The following CLEC16A variants were observed in gnomAD, a reference collection of about 807,000 sequenced individuals.
CLEC16A encodes the protein C-type lectin domain containing 16A.
In CLEC16A, 51 loss-of-function variants were observed where a neutral mutation model predicts 109.5. That is an observed-to-expected ratio of 0.47 (90% CI 0.37 to 0.59). The LOEUF is 0.59. Among genes scored for constraint, CLEC16A ranks in the 20% least tolerant of loss-of-function variants. The pLI is 0.00. For missense variants in CLEC16A, 1,339 were observed against 1,394.0 expected, an observed-to-expected ratio of 0.96 and a Z score of 0.63; for synonymous variants, 673 against 564.2, an observed-to-expected ratio of 1.19 and a Z score of -2.73.
chr16:11,126,650 G>A (rs540464946), intron 22 of CLEC16A: 4 of 216,132 alleles, frequency 1.9e-5, no homozygotes, highest in Admixed American at 1.6e-4. Context: ...CTGCTCCTCC[G>A]CTCCTCCCAA....
chr16:11,035,278 CAT>C (rs980792442), intron 13 of CLEC16A, among the ~76,000 whole-genome samples: 8 of 152,160 alleles, frequency 5.3e-5, no homozygotes, highest in African/African-American at 1.9e-4. Context: ...GCACAGCTGT[CAT>C]ATGGTGGCTT....
chr16:10,975,113 C>T (rs2042973601), intron 7 of CLEC16A, among the ~76,000 whole-genome samples: 2 of 152,126 alleles, frequency 1.3e-5, no homozygotes, highest in African/African-American at 4.8e-5. Context: ...GAGGCTGAGG[C>T]GGGCAGATCA....
intron 13 of CLEC16A, 65 bp downstream of exon 13, chr16:11,024,986 C>T: frequency 8.7e-7 from 1 of 1,146,650 alleles, no homozygotes; most frequent in Non-Finnish European, 1.3e-6. Flanking sequence ...TCCTTCCCCT[C>T]TGCTGCATGG....
chr16:10,952,204 T>C (rs1297533267), intron 1 of CLEC16A, among the ~76,000 whole-genome samples: 2 of 152,216 alleles, frequency 1.3e-5, no homozygotes, highest in East Asian at 1.9e-4. Flanking sequence ...GAAGGTTTTA[T>C]TAAAATGGGC....
chr16:11,145,283 C>T (rs1308883684), intron 22 of CLEC16A, among the ~76,000 whole-genome samples: 2 of 152,156 alleles, frequency 1.3e-5, no homozygotes, highest in African/African-American at 4.8e-5. Flanking sequence ...GGCCTTAGGG[C>T]GGGCTACCCG....
At chr16:11,005,783 T>C (rs1206738086) in intron 11 of CLEC16A, among the ~76,000 whole-genome samples, 2 of 152,138 alleles carry the variant, frequency 1.3e-5, no homozygotes, top group Non-Finnish European at 2.9e-5. Context: ...ATTTCTTCAT[T>C]CACATTGCAT....
At chr16:11,156,020 A>C (rs1001586013) in intron 22 of CLEC16A, among the ~76,000 whole-genome samples, 4 of 152,138 alleles carry the variant, frequency 2.6e-5, no homozygotes, top group African/African-American at 7.2e-5. Flanking sequence ...CTTCTGGCCA[A>C]AAAGGTCAAA....
chr16:11,063,589 C>T (rs2048607554), intron 19 of CLEC16A, among the ~76,000 whole-genome samples: 1 of 151,926 alleles, frequency 6.6e-6, no homozygotes. Context: ...GAAGAGGTGG[C>T]GTAAAGTGTA....
chr16:10,972,886 C>A, intron 6 of CLEC16A, 52 bp from the exon 7 acceptor site: 2 of 1,513,054 alleles, frequency 1.3e-6, no homozygotes, highest in South Asian at 1.3e-5. Context: ...TTAATCTTCC[C>A]CAAGTTATTT....
rs1040150123 is a variant in CLEC16A at position 11,157,000 on chromosome 16, C to CA, written c.2642-9383dup. 2.1e-4 allele frequency: 254 copies of CA among 1,214,572 alleles called. 1 individual carries two copies. The highest frequency in any genetic ancestry group is 2.5e-4 in the Non-Finnish European group (232 of 921,750). 75.2% of individuals were successfully genotyped at this position (1,214,572 alleles called of 1,614,324 possible). A position where few individuals can be genotyped will look rare whatever the true frequency, so the allele number is the denominator to read the frequency against. On this transcript the variant is annotated intron_variant, in intron 22 of 23. Coordinates refer to ENST00000409790, the MANE Select transcript of CLEC16A (RefSeq NM_015226.3). Reference sequence around the variant, plus strand: ...TCACAGGCAGACCTTCACCCGACAGCAAAAACATTTCTAAGGGCACAATTA... The same window carrying CA: ...TCACAGGCAGACCTTCACCCGACAGCAAAAAACATTTCTAAGGGCACAATTA...
chr16:11,046,940 C>G (rs1044064409), intron 16 of CLEC16A, among the ~76,000 whole-genome samples: 9 of 152,182 alleles, frequency 5.9e-5, no homozygotes, highest in Non-Finnish European at 1.3e-4. Context: ...TCCATTTCTC[C>G]AGCCGTTCTC....
intron 22 of CLEC16A, among the ~76,000 whole-genome samples, chr16:11,147,818 A>G (rs185503198): frequency 5.9e-5 from 9 of 152,356 alleles, no homozygotes; most frequent in African/African-American, 1.9e-4. Flanking sequence ...AAATAGTTCA[A>G]TGTATGTAAC....
At chr16:11,167,970 C>T (rs955419095) in intron 23 of CLEC16A, among the ~76,000 whole-genome samples, 8 of 152,334 alleles carry the variant, frequency 5.3e-5, no homozygotes, top group Admixed American at 2.0e-4. Context: ...TGCACCCCAA[C>T]GCACATATTT....
intron 13 of CLEC16A, 46 bp from the exon 14 acceptor site, chr16:11,039,708 C>T: frequency 1.3e-6 from 2 of 1,560,712 alleles, no homozygotes; most frequent in South Asian, 1.2e-5. Context: ...ATGAGGAGGT[C>T]AGGTAGTCAG....
intron 22 of CLEC16A, among the ~76,000 whole-genome samples, chr16:11,142,875 A>G (rs911529273): frequency 1.3e-5 from 2 of 152,214 alleles, no homozygotes; most frequent in African/African-American, 4.8e-5. Context: ...CAGTGGCACA[A>G]TCTCAGCTCA....
intron 19 of CLEC16A, among the ~76,000 whole-genome samples, chr16:11,083,106 A>G (rs1567293496): frequency 1.3e-5 from 2 of 152,148 alleles, no homozygotes; most frequent in South Asian, 2.1e-4. Context: ...GCAGCTCACC[A>G]TGTAGGGGGA....
At chr16:11,113,913 G>C (rs959569611) in intron 19 of CLEC16A, among the ~76,000 whole-genome samples, 1 of 152,164 alleles carries the variant, frequency 6.6e-6, no homozygotes, top group African/African-American at 2.4e-5. Context: ...CCAATTGCTA[G>C]GTCATAGAAT....
chr16:11,037,495 CT>C (rs2047088193), intron 13 of CLEC16A, among the ~76,000 whole-genome samples: 1 of 152,196 alleles, frequency 6.6e-6, no homozygotes, highest in South Asian at 2.1e-4. Context: ...TCTTGGGACG[CT>C]TTTCTTCCTG....
At chr16:11,019,769 C>CAAA (rs59863035) in intron 11 of CLEC16A, among the ~76,000 whole-genome samples, 1 of 81,190 alleles carries the variant, frequency 1.2e-5, no homozygotes, top group Admixed American at 1.3e-4. Context: ...GACTCTGTCT[C>CAAA]AAAAAAAAAA....
Sources: gnomAD v4.1 joint callset for allele counts (sites outside exome capture counted in the v4.1 genomes callset) on GRCh38, gnomAD v4.1.1 for gene constraint, MANE v1.5 for transcripts, NCBI Gene and HGNC (gene_info 2026-07-23, HGNC 2026-07-21) for gene names.